Variants in DNAAF9 observed in about 807,000 individuals in gnomAD.
The protein encoded by DNAAF9 is shulin.
In DNAAF9, 90 loss-of-function variants were observed where a neutral mutation model predicts 167.0. The ratio of observed to expected loss-of-function variants is 0.54; its 90% CI spans 0.45 to 0.64. The LOEUF (loss-of-function observed/expected upper bound fraction) is 0.64. DNAAF9 is among the 30% of genes least tolerant of loss of function. The pLI is 0.00. For missense variants in DNAAF9, 1,315 were observed against 1,442.2 expected, an observed-to-expected ratio of 0.91 and a Z score of 1.43; for synonymous variants, 491 against 508.8, an observed-to-expected ratio of 0.96 and a Z score of 0.47.
chr20:3,362,274 C>T (rs2083374305), intron 6 of DNAAF9: 2 of 1,289,748 alleles, frequency 1.6e-6, no homozygotes, highest in Non-Finnish European at 2.2e-6. Flanking sequence ...GTTCTTCCAA[C>T]AGTTGGAAAT....
intron 20 of DNAAF9, among the ~76,000 whole-genome samples, chr20:3,314,359 TAG>T (rs1273421823): frequency 6.6e-6 from 1 of 152,068 alleles, no homozygotes; most frequent in Non-Finnish European, 1.5e-5. Context: ...GAAGAGGAAT[TAG>T]AGAGACTCAA....
chr20:3,320,443 C>T (rs2069593731), intron 16 of DNAAF9, among the ~76,000 whole-genome samples: 1 of 152,104 alleles, frequency 6.6e-6, no homozygotes, highest in African/African-American at 2.4e-5. Flanking sequence ...ATACTTGACG[C>T]AAGACTATGA....
rs2083652230 is a variant in DNAAF9 at position 3,381,474 on chromosome 20, C to G, written c.188G>C (p.Gly63Ala). 1.2e-6 allele frequency: 2 copies of G among 1,613,726 alleles called. No homozygotes were observed. The highest frequency in any genetic ancestry group is 3.3e-5 in the Admixed American group (2 of 59,982). ...AAGATAATTTGCCAGCTCTCTGCAG[C>G]CTTCATTGTACCTGCTATCGATTCC... is the stretch of plus-strand genomic sequence containing the variant. ...ILGIDSRYNE[G>A]CRELANYLLF... Residue 63 changes from glycine to alanine, a missense_variant, in exon 3 of 37, where the codon GGC becomes GCC. Coordinates refer to ENST00000252032, the MANE Select transcript of DNAAF9 (RefSeq NM_001009984.3).
chr20:3,365,275 C>T (rs574987397), intron 6 of DNAAF9, among the ~76,000 whole-genome samples: 235 of 152,086 alleles, frequency 1.5e-3, no homozygotes, highest in Non-Finnish European at 2.1e-3. Flanking sequence ...ATGCCAGCAG[C>T]CATTTCTTAA....
rs867810649 is a variant in DNAAF9, at chr20:3,392,914, T to C, written c.84-10408A>G. Among the ~76,000 whole-genome samples the C allele has an allele frequency of 8.5e-5, 13 of 152,354 alleles. 1 individual carries two copies. The South Asian group carries it at 1.0e-3, about 12-fold the overall frequency. ...TATACCAATCTGATTCATCTCATCA[T>C]AGAAAACTGACGTGAACAATTTGGT... On this transcript the variant is annotated intron_variant, in intron 1 of 36. Coordinates refer to ENST00000252032, the MANE Select transcript of DNAAF9 (RefSeq NM_001009984.3).
chr20:3,308,331 C>T (rs1256289101), intron 20 of DNAAF9, among the ~76,000 whole-genome samples: 2 of 137,340 alleles, frequency 1.5e-5, no homozygotes, highest in African/African-American at 2.7e-5. Context: ...CAGTGCTGTA[C>T]AAAACTTTAC....
At position 3,294,529 on chromosome 20, in the gene DNAAF9, A is replaced by G. The variant is rs1169459076; in HGVS notation, c.2119T>C (p.Trp707Arg). The change falls in exon 24 of 37, where the codon TGG (tryptophan) becomes CGG (arginine). Residue 707 changes from tryptophan to arginine, a missense_variant and splice_region_variant. By Grantham distance (101) the Trp-to-Arg change is moderately radical. Around this residue, in one of 2 missense-constraint regions of DNAAF9, gnomAD observed 981 missense variants for 1,012.5 expected, o/e 0.97. Coordinates refer to ENST00000252032, the MANE Select transcript of DNAAF9 (RefSeq NM_001009984.3). The stretch of plus-strand genomic sequence containing the variant: ...TCTATAAACAGAACCAGAGCTTACC[A>G]GTCCAGCTCTGGGAGTTTGGCTGAG... ...LLSAKLPELD[W>R]FLQHFAISSI... 2 of 1,586,174 alleles carry G rather than the reference A, an allele frequency of 1.3e-6. No individual in the cohort carries two copies. The highest frequency in any genetic ancestry group is 2.2e-5 in the East Asian group (1 of 44,744).
intron 3 of DNAAF9, 131 bp from the exon 4 acceptor site, chr20:3,376,433 A>G (rs2083576375): frequency 2.6e-6 from 2 of 758,858 alleles, no homozygotes; most frequent in Admixed American, 6.4e-5. Flanking sequence ...ACTGAAAATT[A>G]TTTAATTAAG....
chr20:3,279,778 C>T (rs1247161898), intron 28 of DNAAF9, among the ~76,000 whole-genome samples: 3 of 152,314 alleles, frequency 2.0e-5, no homozygotes, highest in East Asian at 3.9e-4. Flanking sequence ...GTCTCACAGG[C>T]AGCTGGGAGG....
At chr20:3,361,854 G>A in intron 6 of DNAAF9, 5 of 1,457,726 alleles carry the variant, frequency 3.4e-6, no homozygotes, top group Admixed American at 1.7e-5. Flanking sequence ...GGGGGAAGGG[G>A]AAGGGCCTGT....
At chr20:3,383,180 C>A (rs78508793) in intron 1 of DNAAF9, among the ~76,000 whole-genome samples, 1 of 151,974 alleles carries the variant, frequency 6.6e-6, no homozygotes, top group Non-Finnish European at 1.5e-5. Flanking sequence ...CAGAGAGAGG[C>A]GCCCGATTTC....
At position 3,336,045 on chromosome 20, in the gene DNAAF9, C is replaced by A. The variant is rs527516104; in HGVS notation, c.982-3684G>T. Among the ~76,000 whole-genome samples the A allele has an allele frequency of 2.3e-4, 35 of 152,248 alleles. No homozygotes were observed. In the East Asian group the frequency reaches 6.2e-3, roughly 27 times the overall value. ...GGCTGAGGCATGAGAATTGCTTGAA[C>A]CCAGGAGGCGGAGATTGCAGTGATT... On this transcript the variant is annotated intron_variant, in intron 10 of 36. Coordinates refer to ENST00000252032, the MANE Select transcript of DNAAF9 (RefSeq NM_001009984.3).
chr20:3,357,307 A>C (rs1262692875), intron 7 of DNAAF9, among the ~76,000 whole-genome samples: 2 of 152,160 alleles, frequency 1.3e-5, no homozygotes, highest in Admixed American at 6.5e-5. Context: ...CCCCATCTCC[A>C]GTAAAAATAC....
intron 10 of DNAAF9, among the ~76,000 whole-genome samples, chr20:3,339,431 T>G (rs1219208451): frequency 6.6e-6 from 1 of 152,222 alleles, no homozygotes; most frequent in African/African-American, 2.4e-5. Context: ...TATGTTAATC[T>G]GGCTGGGAGT....
intron 22 of DNAAF9, among the ~76,000 whole-genome samples, chr20:3,297,477 T>G (rs1229332868): frequency 6.6e-6 from 1 of 152,216 alleles, no homozygotes. Flanking sequence ...CACTGTCCCC[T>G]CACAAGCTGC....
chr20:3,405,756 A>G (rs1568654110), intron 1 of DNAAF9, among the ~76,000 whole-genome samples: 1 of 152,162 alleles, frequency 6.6e-6, no homozygotes, highest in African/African-American at 2.4e-5. Context: ...GGTAGAGATG[A>G]TTTTTTTCCC....
chr20:3,388,208 A>G lies in DNAAF9; in HGVS notation c.84-5702T>C, dbSNP rs781636193. Among the ~76,000 whole-genome samples, 24 of 152,326 alleles carry G rather than the reference A, an allele frequency of 1.6e-4. No individual in the cohort carries two copies. The Middle Eastern group carries it at 0.014, about 86-fold the overall frequency. ...CATAACCATAATTAAATATTACTTAATATCCATTAGTATGGCTACTATCAA... is the reference window on the plus strand; with the variant it reads ...CATAACCATAATTAAATATTACTTAGTATCCATTAGTATGGCTACTATCAA... On this transcript the variant is annotated intron_variant, in intron 1 of 36. Coordinates refer to ENST00000252032, the MANE Select transcript of DNAAF9 (RefSeq NM_001009984.3).
chr20:3,279,043 A>T, intron 28 of DNAAF9, 94 bp from the exon 29 acceptor site: 1 of 884,734 alleles, frequency 1.1e-6, no homozygotes, highest in Non-Finnish European at 1.9e-6. Context: ...ACTGACAAGC[A>T]AATTGACTCA....
chr20:3,342,471 A>G (rs1438308901), intron 9 of DNAAF9, among the ~76,000 whole-genome samples: 1 of 152,096 alleles, frequency 6.6e-6, no homozygotes, highest in Non-Finnish European at 1.5e-5. Context: ...TTTTTAAACC[A>G]TGAATCTCTC....
Sources: gnomAD v4.1 joint callset for allele counts (sites outside exome capture counted in the v4.1 genomes callset) on GRCh38, gnomAD v4.1.1 for gene constraint, gnomAD v4.1.1 regional missense constraint, MANE v1.5 for transcripts, NCBI Gene and HGNC (gene_info 2026-07-23, HGNC 2026-07-21) for gene names.